CLNK: variants seen among roughly 807,000 people sequenced by gnomAD.
CLNK encodes cytokine-dependent hematopoietic cell linker.
Under a neutral mutation model 68.6 loss-of-function variants are expected in CLNK, and 74 were observed. That is an observed-to-expected ratio of 1.08 (90% CI 0.89 to 1.31). CLNK has a LOEUF of 1.31. CLNK is among the 50% of genes most tolerant of loss of function. CLNK has a pLI of 0.00. For missense variants in CLNK, 553 were observed against 515.3 expected (o/e 1.07, Z -0.71); for synonymous variants, 198 against 172.2 (o/e 1.15, Z -1.17).
chr4:10,507,923 A>G, intron 17 of CLNK, 36 bp downstream of exon 17: 1 of 1,503,476 alleles, frequency 6.7e-7, no homozygotes, highest in Non-Finnish European at 9.1e-7. Flanking sequence ...AGATGCCTAT[A>G]GAAACAATAA....
chr4:10,620,331 C>T (rs1174852307), intron 2 of CLNK, among the ~76,000 whole-genome samples: 2 of 152,186 alleles, frequency 1.3e-5, no homozygotes, highest in East Asian at 3.9e-4. Context: ...TTGTCCTTTT[C>T]AGAGAGGTTT....
At chr4:10,504,571 C>G (rs1315642308) in intron 17 of CLNK, among the ~76,000 whole-genome samples, 1 of 152,104 alleles carries the variant, frequency 6.6e-6, no homozygotes, top group Non-Finnish European at 1.5e-5. Context: ...AAATTCTCAC[C>G]CTTTAAATAC....
chr4:10,528,380 C>A (rs112108556), intron 12 of CLNK, among the ~76,000 whole-genome samples: 11 of 152,176 alleles, frequency 7.2e-5, no homozygotes, highest in African/African-American at 2.4e-4. Flanking sequence ...TATCAAAAAC[C>A]TTAGAAATAC....
At position 10,516,433 on chromosome 4, in the gene CLNK, A is replaced by G. The variant is rs75674800; in HGVS notation, c.773-2836T>C. On this transcript the variant is annotated intron_variant, in intron 15 of 18. Transcript: ENST00000226951. ...CATTAGCAAATACATGCCATTTTCC[A>G]TAACATTTAGATTATATAGGCGCTA... Among the ~76,000 whole-genome samples, 188 of 152,344 alleles carry G rather than the reference A, an allele frequency of 1.2e-3. 3 individuals are homozygous for G. The highest frequency in any genetic ancestry group is 6.1e-3 in the Admixed American group (94 of 15,300).
At chr4:10,590,537 C>G (rs1034310140) in intron 3 of CLNK, among the ~76,000 whole-genome samples, 5 of 152,140 alleles carry the variant, frequency 3.3e-5, no homozygotes, top group Non-Finnish European at 5.9e-5. Flanking sequence ...AATTCAGCAG[C>G]GAAACCCCTG....
intron 1 of CLNK, among the ~76,000 whole-genome samples, chr4:10,677,475 A>G (rs1468455893): frequency 6.6e-6 from 1 of 152,122 alleles, no homozygotes; most frequent in African/African-American, 2.4e-5. Flanking sequence ...AGTAGTAGTA[A>G]TATGGTTTAG....
chr4:10,530,042 T>A (rs1456593288), intron 12 of CLNK, among the ~76,000 whole-genome samples: 1 of 152,090 alleles, frequency 6.6e-6, no homozygotes, highest in African/African-American at 2.4e-5. Flanking sequence ...TCCCTTTCTT[T>A]CACCTTCTCT....
chr4:10,597,785 G>T (rs930709782), intron 3 of CLNK, among the ~76,000 whole-genome samples, 193 bp downstream of exon 3: 1 of 152,150 alleles, frequency 6.6e-6, no homozygotes, highest in East Asian at 1.9e-4. Context: ...CTCAGCCTAG[G>T]TTTGTATCAC....
At chr4:10,569,189 T>G (rs1459301129) in intron 5 of CLNK, among the ~76,000 whole-genome samples, 1 of 73,470 alleles carries the variant, frequency 1.4e-5, no homozygotes, top group Non-Finnish European at 2.6e-5. Flanking sequence ...AAGACTGCCC[T>G]TTTTTTTTTT....
rs528730598 is a variant in CLNK, at chr4:10,682,862, A to C, written c.-43+1806T>G. ...TTACATAGGGCTATACAACTGTGGA[A>C]TATTACCATTCTCTAATGAGATTAT... On this transcript the variant is annotated intron_variant, in intron 1 of 18. Coordinates refer to ENST00000226951, the MANE Select transcript of CLNK (RefSeq NM_052964.4). Among the ~76,000 whole-genome samples, 3 of 152,318 alleles carry C rather than the reference A, an allele frequency of 2.0e-5. No homozygotes were observed. The South Asian group carries it at 6.2e-4, about 32-fold the overall frequency.
chr4:10,560,922 G>A (rs1479016445), intron 7 of CLNK, among the ~76,000 whole-genome samples: 1 of 151,506 alleles, frequency 6.6e-6, no homozygotes, highest in East Asian at 2.0e-4. Flanking sequence ...TCTGAGACAA[G>A]GTCTTGTTCT....
chr4:10,722,976 G>T, the CLNK span, among the ~76,000 whole-genome samples: 1 of 152,006 alleles, frequency 6.6e-6, no homozygotes, highest in African/African-American at 2.4e-5. Context: ...CTTGAACCCG[G>T]GAGGTTGCAG....
intron 2 of CLNK, among the ~76,000 whole-genome samples, chr4:10,625,963 C>T (rs1420728041): frequency 1.3e-5 from 2 of 152,254 alleles, no homozygotes; most frequent in East Asian, 3.8e-4. Context: ...TTCAACCGTT[C>T]TTTTAATTTA....
At chr4:10,536,441 C>A (rs1480785071) in intron 11 of CLNK, among the ~76,000 whole-genome samples, 1 of 152,250 alleles carries the variant, frequency 6.6e-6, no homozygotes, top group Non-Finnish European at 1.5e-5. Flanking sequence ...GAAAGCACAT[C>A]TCTCTTTCAG....
chr4:10,668,454 C>G (rs1274796744), intron 1 of CLNK, among the ~76,000 whole-genome samples: 1 of 152,154 alleles, frequency 6.6e-6, no homozygotes, highest in Non-Finnish European at 1.5e-5. Flanking sequence ...TCAGTAAGGG[C>G]TTCGTATCAA....
rs59463598 is a variant in CLNK, at chr4:10,519,794, G to C, written c.772+997C>G. On this transcript the variant is annotated intron_variant, in intron 15 of 18. Transcript: ENST00000226951. ...CAAAAAAGGACATTAAAATGTATCA[G>C]TTGCCTACTACATGGCAGGCAGAGG... Among the ~76,000 whole-genome samples, 1,055 of 152,226 alleles carry C rather than the reference G, an allele frequency of 6.9e-3. 41 individuals carry two copies. The South Asian group carries it at 0.094, about 14-fold the overall frequency.
chr4:10,492,656 C>T (rs752509152), intron 18 of CLNK, among the ~76,000 whole-genome samples: 17 of 152,124 alleles, frequency 1.1e-4, no homozygotes, highest in South Asian at 2.1e-4. Context: ...GCAATTAAAA[C>T]GCTATAAACC....
At chr4:10,696,901 G>T in the CLNK span, among the ~76,000 whole-genome samples, 2 of 152,154 alleles carry the variant, frequency 1.3e-5, no homozygotes, top group Non-Finnish European at 2.9e-5. Flanking sequence ...AGATTCCAGG[G>T]CCCTTCCCCA....
chr4:10,717,249 A>G, the CLNK span, among the ~76,000 whole-genome samples: 1 of 152,148 alleles, frequency 6.6e-6, no homozygotes, highest in Non-Finnish European at 1.5e-5. Flanking sequence ...AGCCTCATTG[A>G]ACAGTGATGT....
Sources: allele counts gnomAD v4.1 joint callset (sites outside exome capture counted in the v4.1 genomes callset), GRCh38; gene constraint gnomAD v4.1.1; transcripts MANE v1.5; gene names NCBI Gene and HGNC (gene_info 2026-07-23, HGNC 2026-07-21).